The following KLF8 variants were observed in gnomAD, a reference collection of about 807,000 sequenced individuals.
KLF8 encodes KLF transcription factor 8.
KLF8 carries 10 observed loss-of-function variants against 18.2 expected under a neutral mutation model. The ratio of observed to expected loss-of-function variants is 0.55; its 90% CI spans 0.34 to 0.93. The LOEUF is 0.93. KLF8 is among the 40% of genes least tolerant of loss of function. The probability of loss-of-function intolerance (pLI) is 0.02; values close to 1 mark genes in which losing one functional copy is unlikely to be tolerated. For synonymous variants in KLF8, 109 were observed against 97.3 expected (o/e 1.12, Z -0.71); for missense variants, 264 against 277.9 (o/e 0.95, Z 0.36).
the KLF8 span, among the ~76,000 whole-genome samples, chrX:56,095,309 A>G: frequency 8.9e-6 from 1 of 112,634 alleles, no homozygotes; most frequent in African/African-American, 3.2e-5. Context: ...CTCACCATAT[A>G]CAAAAACTAA....
chrX:56,158,263 A>T, the KLF8 span, among the ~76,000 whole-genome samples: 1 of 111,930 alleles, frequency 8.9e-6, no homozygotes, highest in Non-Finnish European at 1.9e-5. Context: ...CTGTTTTGGT[A>T]CCAGTACCAT....
chrX:56,208,981 G>T, the KLF8 span, among the ~76,000 whole-genome samples: 9 of 111,819 alleles, frequency 8.0e-5, no homozygotes, highest in African/African-American at 2.9e-4. Flanking sequence ...AATCCATGTG[G>T]TCTACAGTGC....
the KLF8 span, among the ~76,000 whole-genome samples, chrX:56,192,064 T>A: frequency 6.3e-5 from 7 of 111,878 alleles, no homozygotes; most frequent in African/African-American, 2.3e-4. Flanking sequence ...TATGATTTTA[T>A]ATTTGGAAAA....
chrX:56,256,031 G>A (rs980456283), intron 2 of KLF8, among the ~76,000 whole-genome samples: 11 of 111,365 alleles, frequency 9.9e-5, no homozygotes, highest in Admixed American at 2.9e-4. Flanking sequence ...TCTTTACTAG[G>A]AGACTTTTTA....
At chrX:55,961,498 A>T in the KLF8 span, 1 of 550,155 alleles carries the variant, frequency 1.8e-6, no homozygotes, top group Non-Finnish European at 3.4e-6. Flanking sequence ...ATACCTGCCC[A>T]TTGGGGGTCT....
the KLF8 span, among the ~76,000 whole-genome samples, chrX:56,044,147 T>C: frequency 9.0e-6 from 1 of 111,616 alleles, no homozygotes; most frequent in East Asian, 2.8e-4. Context: ...GTGAAGACTG[T>C]GAAACAACAA....
the KLF8 span, among the ~76,000 whole-genome samples, chrX:55,964,204 G>A: frequency 9.0e-6 from 1 of 110,870 alleles, no homozygotes; most frequent in Non-Finnish European, 1.9e-5. Context: ...CACACCTAGA[G>A]GAACTAGAGA....
upstream of KLF8, among the ~76,000 whole-genome samples, chrX:56,228,140 T>G (rs1054548214): frequency 8.9e-6 from 1 of 112,592 alleles, no homozygotes; most frequent in Admixed American, 9.4e-5. Flanking sequence ...CTGGTTTATT[T>G]ATACATACAG....
At chrX:56,248,037 C>T (rs1005950361) in intron 1 of KLF8, among the ~76,000 whole-genome samples, 1 of 110,986 alleles carries the variant, frequency 9.0e-6, no homozygotes, top group South Asian at 3.8e-4. Flanking sequence ...GACATTACAG[C>T]GGGTATGATA....
the KLF8 span, among the ~76,000 whole-genome samples, chrX:56,124,241 C>T: frequency 9.0e-6 from 1 of 111,480 alleles, no homozygotes; most frequent in African/African-American, 3.3e-5. Context: ...TTACATTTCC[C>T]CACTAGAATG....
chrX:56,140,872 T>A, the KLF8 span, among the ~76,000 whole-genome samples: 1 of 110,579 alleles, frequency 9.0e-6, no homozygotes, highest in Non-Finnish European at 1.9e-5. Context: ...CATAAAACTT[T>A]CTTCATACTC....
At chrX:56,155,876 C>T in the KLF8 span, among the ~76,000 whole-genome samples, 1 of 111,315 alleles carries the variant, frequency 9.0e-6, no homozygotes, top group Admixed American at 9.6e-5. Flanking sequence ...GTGCTCAATA[C>T]TTAGGTCCTA....
the KLF8 span, chrX:55,962,204 C>T: frequency 1.2e-5 from 2 of 169,087 alleles, no homozygotes; most frequent in African/African-American, 6.3e-5. Context: ...TTTGCAAAAA[C>T]AATGGTTGCA....
At chrX:56,176,872 C>T in the KLF8 span, among the ~76,000 whole-genome samples, 1 of 111,769 alleles carries the variant, frequency 8.9e-6, no homozygotes, top group African/African-American at 3.3e-5. Context: ...ATCACTGATA[C>T]CCTTTCTTCC....
At chrX:56,033,410 A>C in the KLF8 span, among the ~76,000 whole-genome samples, 1 of 110,653 alleles carries the variant, frequency 9.0e-6, no homozygotes, top group Non-Finnish European at 1.9e-5. Context: ...TTCTTTATCA[A>C]TTTTTTTTGA....
the KLF8 span, among the ~76,000 whole-genome samples, chrX:55,994,972 G>T: frequency 9.0e-6 from 1 of 111,583 alleles, no homozygotes; most frequent in African/African-American, 3.3e-5. Flanking sequence ...ATCTTTGTTA[G>T]CTTTCTAGCT....
At chrX:55,988,908 G>A in the KLF8 span, among the ~76,000 whole-genome samples, 1 of 111,189 alleles carries the variant, frequency 9.0e-6, no homozygotes, top group Non-Finnish European at 1.9e-5. Flanking sequence ...TCCTTGAAGA[G>A]GTCCTCCACA....
At chrX:55,976,049 C>T in the KLF8 span, among the ~76,000 whole-genome samples, 3 of 111,453 alleles carry the variant, frequency 2.7e-5, no homozygotes, top group South Asian at 7.6e-4. Flanking sequence ...GTGGAAGTTG[C>T]GGTGAGCTGA....
At chrX:56,008,430 G>A in the KLF8 span, among the ~76,000 whole-genome samples, 1 of 111,551 alleles carries the variant, frequency 9.0e-6, no homozygotes, top group African/African-American at 3.3e-5. Context: ...CGTGGGGCAA[G>A]GGGAACTCCC....
Sources: gnomAD v4.1 joint callset for allele counts (sites outside exome capture counted in the v4.1 genomes callset) on GRCh38, gnomAD v4.1.1 for gene constraint, MANE v1.5 for transcripts, NCBI Gene and HGNC (gene_info 2026-07-23, HGNC 2026-07-21) for gene names.